Variants in TSPAN14 observed in about 807,000 individuals in gnomAD.
The protein encoded by TSPAN14 is tetraspanin-14.
TSPAN14 carries 16 observed loss-of-function variants against 36.6 expected under a neutral mutation model. That is an observed-to-expected ratio of 0.44 (90% CI 0.30 to 0.66). The LOEUF (loss-of-function observed/expected upper bound fraction) is 0.66, where lower values mean the gene tolerates loss of function less well. TSPAN14 is among the 30% of genes least tolerant of loss of function. TSPAN14 has a pLI of 0.12. For missense variants in TSPAN14, 231 were observed against 355.1 expected, an observed-to-expected ratio of 0.65 and a Z score of 2.81; for synonymous variants, 139 against 143.8, an observed-to-expected ratio of 0.97 and a Z score of 0.24.
At chr10:80,468,910 A>G (rs1846385820) in intron 1 of TSPAN14, among the ~76,000 whole-genome samples, 1 of 152,018 alleles carries the variant, frequency 6.6e-6, no homozygotes, top group Non-Finnish European at 1.5e-5. Flanking sequence ...CCACACTGTC[A>G]TGCTTGCCCC....
At chr10:80,516,000 C>G in intron 7 of TSPAN14, 1 of 665,628 alleles carries the variant, frequency 1.5e-6, no homozygotes, top group South Asian at 2.2e-5. Flanking sequence ...TTTGGTCAGA[C>G]AGGTGGTGCG....
At chr10:80,480,814 A>T (rs534749020) in intron 1 of TSPAN14, among the ~76,000 whole-genome samples, 1 of 152,292 alleles carries the variant, frequency 6.6e-6, no homozygotes, top group Admixed American at 6.5e-5. Flanking sequence ...TAACTTTAGG[A>T]GATACACCTA....
intron 2 of TSPAN14, among the ~76,000 whole-genome samples, chr10:80,491,485 G>A (rs529167936): frequency 6.6e-6 from 1 of 152,270 alleles, no homozygotes; most frequent in African/African-American, 2.4e-5. Flanking sequence ...GCTTGGCTTT[G>A]TGCCTCAACC....
In TSPAN14 at chr10:80,489,426, G is replaced by C. The variant is rs11203140; in HGVS notation, c.81+112G>C. 1,023 of 800,694 alleles carry C rather than the reference G, an allele frequency of 1.3e-3. 12 individuals are homozygous for C. The East Asian group carries it at 0.023, about 18-fold the overall frequency. The allele number at this position is 800,694 out of a possible 1,614,324, so 49.6% of individuals were successfully genotyped here. A position where few individuals can be genotyped will look rare whatever the true frequency, so the allele number is the denominator to read the frequency against. On this transcript the variant is annotated intron_variant, in intron 2 of 8. Coordinates refer to ENST00000429989, the Ensembl canonical transcript of TSPAN14. ...ACTATGTAAGGCTCTGGGATAAGGT[G>C]GTGGGCAGGGTCAGTGACCCCTACC...
At chr10:80,499,077 G>GC (rs1848354137) in intron 2 of TSPAN14, among the ~76,000 whole-genome samples, 1 of 152,236 alleles carries the variant, frequency 6.6e-6, no homozygotes, top group Admixed American at 6.5e-5. Context: ...GAGTTGCCAA[G>GC]TACTTTTATA....
At chr10:80,470,495 A>G (rs1426148758) in intron 1 of TSPAN14, among the ~76,000 whole-genome samples, 3 of 152,262 alleles carry the variant, frequency 2.0e-5, no homozygotes. Context: ...AAAGATTTTT[A>G]AGCATCTTAC....
intron 2 of TSPAN14, among the ~76,000 whole-genome samples, chr10:80,495,399 T>C (rs1848150654): frequency 6.7e-6 from 1 of 149,584 alleles, no homozygotes; most frequent in Admixed American, 6.7e-5. Flanking sequence ...GTGTATTTCA[T>C]CATTTAGGCT....
intron 5 of TSPAN14, among the ~76,000 whole-genome samples, chr10:80,511,755 TCTCTCTCTCTCTCTCTCCC>T (rs1840656655): frequency 7.0e-6 from 1 of 143,198 alleles, no homozygotes; most frequent in Non-Finnish European, 1.5e-5. Context: ...TCTCTCTCTC[TCTCTCTCTCTCTCTCTCCC>T]CTTTTTTCTT....
chr10:80,473,381 G>T (rs1301707046), intron 1 of TSPAN14, among the ~76,000 whole-genome samples: 1 of 152,212 alleles, frequency 6.6e-6, no homozygotes, highest in African/African-American at 2.4e-5. Flanking sequence ...ACTAAGATCA[G>T]GGTTTTTACA....
At chr10:80,515,800 A>G (rs1205524611) in intron 7 of TSPAN14, 4 of 167,570 alleles carry the variant, frequency 2.4e-5, no homozygotes, top group Admixed American at 1.7e-4. Flanking sequence ...GCCCGCTCCG[A>G]GAAGCACCCT....
chr10:80,511,545 C>T (rs1840618863), intron 5 of TSPAN14, among the ~76,000 whole-genome samples: 1 of 152,086 alleles, frequency 6.6e-6, no homozygotes, highest in Non-Finnish European at 1.5e-5. Context: ...AGCAAGCTCC[C>T]TGCTAAGGAG....
At chr10:80,493,905 T>C (rs1466881136) in intron 2 of TSPAN14, among the ~76,000 whole-genome samples, 1 of 152,214 alleles carries the variant, frequency 6.6e-6, no homozygotes, top group African/African-American at 2.4e-5. Context: ...CACTTGGACT[T>C]TTCTAAGTTT....
intron 1 of TSPAN14, among the ~76,000 whole-genome samples, chr10:80,457,272 G>T (rs1402335839): frequency 6.6e-6 from 1 of 151,380 alleles, no homozygotes; most frequent in South Asian, 2.1e-4. Flanking sequence ...TGCAACCTCC[G>T]CCTCCTGGGT....
intron 1 of TSPAN14, among the ~76,000 whole-genome samples, chr10:80,455,887 C>T (rs976029403): frequency 2.6e-5 from 4 of 152,158 alleles, no homozygotes; most frequent in Admixed American, 1.3e-4. Context: ...TCTGATCCCA[C>T]TCCGATCCCT....
chr10:80,500,682 A>G (rs1409391727), intron 2 of TSPAN14, among the ~76,000 whole-genome samples: 1 of 152,124 alleles, frequency 6.6e-6, no homozygotes, highest in African/African-American at 2.4e-5. Context: ...AGAGAAAGAG[A>G]ACTGCACGCA....
chr10:80,460,972 C>T (rs987532664), intron 1 of TSPAN14, among the ~76,000 whole-genome samples: 1 of 152,158 alleles, frequency 6.6e-6, no homozygotes, highest in Non-Finnish European at 1.5e-5. Context: ...GGATCTCTTC[C>T]TCTTGCCTGG....
intron 1 of TSPAN14, among the ~76,000 whole-genome samples, chr10:80,473,876 GC>G (rs113885133): frequency 3.0e-4 from 45 of 152,120 alleles, no homozygotes; most frequent in African/African-American, 1.1e-3. Flanking sequence ...AGAGAGCCGA[GC>G]CCCTCCTTCC....
At chr10:80,459,928 T>C (rs571790454) in intron 1 of TSPAN14, among the ~76,000 whole-genome samples, 149 of 152,292 alleles carry the variant, frequency 9.8e-4, no homozygotes, top group African/African-American at 3.4e-3. Flanking sequence ...AGGGTCTTTT[T>C]CTGGGGCTTG....
At chr10:80,497,572 A>G (rs192171847) in intron 2 of TSPAN14, among the ~76,000 whole-genome samples, 1 of 152,190 alleles carries the variant, frequency 6.6e-6, no homozygotes, top group African/African-American at 2.4e-5. Flanking sequence ...TAGTATCTTG[A>G]TTTTCTACCC....
Sources: allele counts gnomAD v4.1 joint callset (sites outside exome capture counted in the v4.1 genomes callset), GRCh38; gene constraint gnomAD v4.1.1; transcripts MANE v1.5; gene names NCBI Gene and HGNC (gene_info 2026-07-23, HGNC 2026-07-21).